TEX15: variants seen among roughly 807,000 people sequenced by gnomAD.
TEX15 encodes testis-expressed protein 15.
A neutral mutation model predicts 237.3 loss-of-function variants in TEX15; 171 were observed. The ratio of observed to expected loss-of-function variants is 0.72; its 90% confidence interval spans 0.64 to 0.82. The LOEUF is 0.82. Ranked by LOEUF, TEX15 falls within the 40% of genes least tolerant of loss-of-function variation. The pLI, the probability that TEX15 is intolerant of heterozygous loss-of-function variation, is 0.00. For synonymous variants in TEX15, 1,338 were observed against 1,269.8 expected (o/e 1.05, Z -1.14); for missense variants, 3,750 against 3,646.5 (o/e 1.03, Z -0.73).
In TEX15 at chr8:30,833,329, A is replaced by G; in HGVS notation, c.9482-6T>C. 2 of 1,590,728 alleles carry G rather than the reference A, an allele frequency of 1.3e-6. No individual in the cohort carries two copies. The highest frequency in any genetic ancestry group is 1.7e-6 in the Non-Finnish European group (2 of 1,165,888). On this transcript the variant is annotated splice_region_variant and splice_polypyrimidine_tract_variant and intron_variant, in intron 10 of 10. Coordinates refer to ENST00000643185, the MANE Select transcript of TEX15 (RefSeq NM_001350162.2). ...GGATTCTTGGTGCCATGGAGCTGGA[A>G]GAAAAAACACCACAAAGATTTAAAT...
Position 30,845,560 on chromosome 8 carries a change from C to A in TEX15, c.4607G>T (p.Ser1536Ile), listed in dbSNP as rs765435266. 17 of 1,613,508 alleles carry A rather than the reference C, an allele frequency of 1.1e-5. No homozygotes were observed. The South Asian group carries it at 1.9e-4, about 18-fold the overall frequency. Residue 1536 changes from serine (S) to isoleucine (I), a missense_variant, in exon 8 of 11, where the codon AGC (serine) becomes ATC (isoleucine). By Grantham distance (142) the Ser-to-Ile change is moderately radical. Coordinates refer to ENST00000643185, the MANE Select transcript of TEX15 (RefSeq NM_001350162.2). ...TGATAAACTTGGATTGCTTACACTGCTATTATAATAAACTGACTGACTTGT... is the reference window on the plus strand; with the variant it reads ...TGATAAACTTGGATTGCTTACACTGATATTATAATAAACTGACTGACTTGT... ...QSTSQSVYYNSSVSNPSLSEE... is the reference protein window; with the variant it reads ...QSTSQSVYYNISVSNPSLSEE...
At chr8:30,875,221 A>G (rs558012659) in intron 3 of TEX15, 119 bp from the exon 4 acceptor site, 21 of 552,084 alleles carry the variant, frequency 3.8e-5, no homozygotes, top group Middle Eastern at 1.1e-3. Context: ...CATTAACAAC[A>G]TAAGGCAACC....
chr8:30,877,900 G>A (rs1808433270), intron 3 of TEX15, among the ~76,000 whole-genome samples: 1 of 152,098 alleles, frequency 6.6e-6, no homozygotes, highest in Admixed American at 6.6e-5. Context: ...CTAAGATACA[G>A]AACTGCTCTA....
intron 4 of TEX15, among the ~76,000 whole-genome samples, chr8:30,870,198 T>C (rs958738810): frequency 2.0e-5 from 3 of 152,008 alleles, no homozygotes; most frequent in Non-Finnish European, 2.9e-5. Flanking sequence ...AAAAGACAGA[T>C]GAGAAAACTC....
intron 3 of TEX15, 46 bp from the exon 4 acceptor site, chr8:30,875,148 T>G: frequency 1.7e-6 from 2 of 1,169,106 alleles, no homozygotes; most frequent in Non-Finnish European, 2.2e-6. Context: ...AATGACATTA[T>G]TGGACATCTG....
chr8:30,872,426 A>G (rs942580676), intron 4 of TEX15, among the ~76,000 whole-genome samples: 2 of 152,134 alleles, frequency 1.3e-5, no homozygotes, highest in African/African-American at 4.8e-5. Flanking sequence ...TGTACAGTAC[A>G]CAATACTTGT....
chr8:30,907,496 T>C (rs1809128746), intron 1 of TEX15, among the ~76,000 whole-genome samples: 1 of 147,028 alleles, frequency 6.8e-6, no homozygotes, highest in South Asian at 2.1e-4. Flanking sequence ...ATATAAAATG[T>C]ATATATAAAT....
intron 5 of TEX15, among the ~76,000 whole-genome samples, chr8:30,864,464 ATAGG>A (rs1179735256): frequency 3.3e-5 from 5 of 151,796 alleles, no homozygotes; most frequent in Non-Finnish European, 5.9e-5. Flanking sequence ...CATCTAAAAA[ATAGG>A]TAGGAGGATC....
Position 30,848,781 on chromosome 8 carries a change from T to A in TEX15, c.1386A>T (p.Ser462=), listed in dbSNP as rs1807694903. ...LNEVLQFEKS[S]DNVNSEIKST... is the part of the protein sequence containing the mutation. ...ATTTTATTTCTGAATTAACATTATC[T>A]GAACTCTTCTCAAATTGCAAAACCT... The change falls in exon 8 of 11, where the codon TCA becomes TCT. Residue 462 remains serine, a synonymous_variant. Coordinates refer to ENST00000643185, the MANE Select transcript of TEX15 (RefSeq NM_001350162.2). The A allele has an allele frequency of 3.7e-6, 6 of 1,614,082 alleles. No individual in the cohort carries two copies. The highest frequency in any genetic ancestry group is 1.3e-5 in the African/African-American group (1 of 74,936).
chr8:30,895,956 A>G (rs1808898227), intron 2 of TEX15, among the ~76,000 whole-genome samples: 1 of 152,132 alleles, frequency 6.6e-6, no homozygotes, highest in African/African-American at 2.4e-5. Flanking sequence ...TGAGATTACA[A>G]TAGGTGTGAG....
rs530588354 is a variant in TEX15, at chr8:30,839,819, T to C, written c.8222+87A>G. 18 of 780,702 alleles carry C rather than the reference T, an allele frequency of 2.3e-5. No individual in the cohort carries two copies. In the East Asian group the frequency reaches 4.6e-4, roughly 20 times the overall value. The allele number at this position is 780,702 out of a possible 1,614,324, so 48.4% of individuals were successfully genotyped here. A position where few individuals can be genotyped will look rare whatever the true frequency, so the allele number is the denominator to read the frequency against. Reference sequence around the variant, plus strand: ...TTACATGTATGATCCAATGACATTATATAAATAATTGTGTTATTCTAGTTG... The same window carrying C: ...TTACATGTATGATCCAATGACATTACATAAATAATTGTGTTATTCTAGTTG... On this transcript the variant is annotated intron_variant, in intron 9 of 10. Coordinates refer to ENST00000643185, the MANE Select transcript of TEX15 (RefSeq NM_001350162.2).
At position 30,883,443 on chromosome 8, in the gene TEX15, T is replaced by C. The variant is rs180673162; in HGVS notation, c.136+3724A>G. On this transcript the variant is annotated intron_variant, in intron 3 of 10. Transcript: ENST00000643185. Reference sequence around the variant, plus strand: ...AGAATATGCAGGTTTGTTACATAGATGTATGTGTGCCATGGTGGTTTGCTG... The same window carrying C: ...AGAATATGCAGGTTTGTTACATAGACGTATGTGTGCCATGGTGGTTTGCTG... Among the ~76,000 whole-genome samples, 280 of 152,184 alleles carry C rather than the reference T, an allele frequency of 1.8e-3. 1 individual carries two copies. The highest frequency in any genetic ancestry group is 5.9e-3 in the African/African-American group (244 of 41,488).
In TEX15 at chr8:30,848,001, T is replaced by C; in HGVS notation, c.2166A>G (p.Gln722=). Residue 722 remains glutamine, a synonymous_variant, in exon 8 of 11, where the codon CAA becomes CAG. Transcript: ENST00000643185. ...QITPSFESLS[Q]KHPQHSVEYE... ...ACTCCACAGAGTGCTGAGGATGCTTTTGTGACAGGCTCTCAAAACTTGGAG... is the reference window on the plus strand; with the variant it reads ...ACTCCACAGAGTGCTGAGGATGCTTCTGTGACAGGCTCTCAAAACTTGGAG... The C allele has an allele frequency of 6.2e-7, 1 of 1,614,028 alleles. No homozygotes were observed. The highest frequency in any genetic ancestry group is 8.5e-7 in the Non-Finnish European group (1 of 1,179,952).
At position 30,860,071 on chromosome 8, in the gene TEX15, AGCC is replaced by A; in HGVS notation, c.541-17_541-15del. On this transcript the variant is annotated splice_polypyrimidine_tract_variant and intron_variant, in intron 5 of 10. Transcript: ENST00000643185. Reference sequence around the variant, plus strand: ...TCCAAAGAGAACCTAAAAAAAAAAAAGCCAAAAAAAAAGTACGTAAAAATATAC... The same window carrying A: ...TCCAAAGAGAACCTAAAAAAAAAAAAAAAAAAAAAGTACGTAAAAATATAC... 1 of 1,433,194 alleles carries A rather than the reference AGCC, an allele frequency of 7.0e-7. No individual in the cohort carries two copies. Among genetic ancestry groups the A allele is most frequent in the Non-Finnish European group, 9.2e-7 (1 of 1,092,784 alleles). 88.8% of individuals were successfully genotyped at this position (1,433,194 alleles called of 1,614,324 possible).
chr8:30,893,177 T>G (rs1808829809), intron 2 of TEX15, among the ~76,000 whole-genome samples: 1 of 152,218 alleles, frequency 6.6e-6, no homozygotes. Flanking sequence ...TGAGATACCC[T>G]TATTTTAAAT....
intron 1 of TEX15, among the ~76,000 whole-genome samples, chr8:30,900,011 T>C (rs1434567951): frequency 6.6e-6 from 1 of 152,206 alleles, no homozygotes; most frequent in Non-Finnish European, 1.5e-5. Flanking sequence ...GTGAAACATT[T>C]AGCAAAATTT....
At chr8:30,836,215 T>TTTTG (rs1807291167) in intron 10 of TEX15, among the ~76,000 whole-genome samples, 3 of 126,758 alleles carry the variant, frequency 2.4e-5, no homozygotes, top group South Asian at 5.5e-4. Context: ...GTTTTTTTTT[T>TTTTG]TTTTTTTTTT....
intron 1 of TEX15, among the ~76,000 whole-genome samples, chr8:30,903,798 CA>C (rs1809047728): frequency 1.3e-5 from 2 of 152,280 alleles, no homozygotes; most frequent in African/African-American, 4.8e-5. Flanking sequence ...CTTCCCTATG[CA>C]GATATAAACA....
chr8:30,834,461 T>C (rs766906998), intron 10 of TEX15, among the ~76,000 whole-genome samples: 10 of 142,636 alleles, frequency 7.0e-5, no homozygotes, highest in Non-Finnish European at 1.4e-4. Context: ...CATGAGCTAC[T>C]GCGTCCAGCC....
Sources: gnomAD v4.1 joint callset for allele counts (sites outside exome capture counted in the v4.1 genomes callset) on GRCh38, gnomAD v4.1.1 for gene constraint, MANE v1.5 for transcripts, NCBI Gene and HGNC (gene_info 2026-07-23, HGNC 2026-07-21) for gene names.